The following FBLN2 variants were observed in gnomAD, a reference collection of about 807,000 sequenced individuals.
The protein encoded by FBLN2 is fibulin-2.
Under a neutral mutation model 123.7 loss-of-function variants are expected in FBLN2, and 81 were observed. The ratio of observed to expected loss-of-function variants is 0.65; its 90% CI spans 0.55 to 0.79. FBLN2 has a LOEUF of 0.79. Ranked by LOEUF, FBLN2 falls within the 30% of genes least tolerant of loss-of-function variation. The pLI, the probability that FBLN2 is intolerant of heterozygous loss-of-function variation, is 0.00. For missense variants in FBLN2, 1,603 were observed against 1,681.3 expected (o/e 0.95, Z 0.81); for synonymous variants, 699 against 701.4 (o/e 1.00, Z 0.05).
chr3:13,549,269 A>G, intron 1 of FBLN2, 61 bp downstream of exon 1: 1 of 961,056 alleles, frequency 1.0e-6, no homozygotes, highest in Non-Finnish European at 1.2e-6. Flanking sequence ...CTCGCAGCTC[A>G]GGACTCGGGG....
chr3:13,584,738 C>T (rs764367777), intron 2 of FBLN2, among the ~76,000 whole-genome samples: 12 of 152,120 alleles, frequency 7.9e-5, no homozygotes, highest in South Asian at 4.1e-4. Flanking sequence ...GGAGGATGGC[C>T]GTGCGGGTAT....
chr3:13,609,160 A>G (rs2124880128), intron 3 of FBLN2, among the ~76,000 whole-genome samples: 1 of 152,314 alleles, frequency 6.6e-6, no homozygotes, highest in South Asian at 2.1e-4. Context: ...GCAGGCAGTG[A>G]CCAGGGACCC....
At chr3:13,623,338 TA>T (rs1427954631) in intron 9 of FBLN2, among the ~76,000 whole-genome samples, 3 of 152,084 alleles carry the variant, frequency 2.0e-5, no homozygotes, top group Non-Finnish European at 4.4e-5. Flanking sequence ...TAAAACATAC[TA>T]AAAGGGATCC....
chr3:13,565,071 C>G (rs1388947511), intron 1 of FBLN2, among the ~76,000 whole-genome samples: 6 of 152,184 alleles, frequency 3.9e-5, no homozygotes, highest in Non-Finnish European at 8.8e-5. Context: ...GAGACTCACA[C>G]TGTGTGCTGA....
intron 1 of FBLN2, among the ~76,000 whole-genome samples, chr3:13,553,495 C>T (rs1428812263): frequency 2.0e-5 from 3 of 152,200 alleles, no homozygotes; most frequent in African/African-American, 7.2e-5. Context: ...TACGGGGCAC[C>T]ACTGCACGCC....
At chr3:13,616,969 T>C (rs1239758258) in intron 5 of FBLN2, among the ~76,000 whole-genome samples, 1 of 152,214 alleles carries the variant, frequency 6.6e-6, no homozygotes, top group African/African-American at 2.4e-5. Context: ...ATGATCCTCC[T>C]TGATGTCACT....
intron 2 of FBLN2, among the ~76,000 whole-genome samples, chr3:13,604,758 C>T (rs561992338): frequency 6.6e-6 from 1 of 152,292 alleles, no homozygotes; most frequent in African/African-American, 2.4e-5. Context: ...CTCTCAGTGC[C>T]TCAGAGCAGA....
chr3:13,622,722 G>A (rs1705896276), intron 9 of FBLN2, among the ~76,000 whole-genome samples: 1 of 152,230 alleles, frequency 6.6e-6, no homozygotes, highest in Non-Finnish European at 1.5e-5. Context: ...AGTGCTCTGT[G>A]CGTACATGTC....
chr3:13,590,385 G>A (rs1465183312), intron 2 of FBLN2, among the ~76,000 whole-genome samples: 1 of 151,952 alleles, frequency 6.6e-6, no homozygotes, highest in Non-Finnish European at 1.5e-5. Context: ...GAGTGCAGAG[G>A]TGCCATCTTG....
intron 2 of FBLN2, among the ~76,000 whole-genome samples, chr3:13,600,006 A>C (rs1268341386): frequency 6.6e-6 from 1 of 150,594 alleles, no homozygotes; most frequent in African/African-American, 2.5e-5. Context: ...TCAGGAAGTT[A>C]AAAAACACGA....
intron 4 of FBLN2, among the ~76,000 whole-genome samples, chr3:13,612,814 A>C (rs1259480085): frequency 2.6e-5 from 4 of 152,198 alleles, no homozygotes; most frequent in African/African-American, 7.2e-5. Flanking sequence ...ATTAGTGGGA[A>C]GTGTTCAACA....
At chr3:13,574,583 C>T (rs1383605680) in intron 2 of FBLN2, among the ~76,000 whole-genome samples, 3 of 152,158 alleles carry the variant, frequency 2.0e-5, no homozygotes, top group Admixed American at 6.5e-5. Flanking sequence ...AGACAGGACC[C>T]CCAGCCCAGC....
chr3:13,550,527 G>T (rs1703294405), intron 1 of FBLN2, among the ~76,000 whole-genome samples: 1 of 152,250 alleles, frequency 6.6e-6, no homozygotes, highest in African/African-American at 2.4e-5. Flanking sequence ...CTACCCTGAT[G>T]CCCCTGAGAT....
chr3:13,592,224 C>T (rs1241184463), intron 2 of FBLN2, among the ~76,000 whole-genome samples: 2 of 151,922 alleles, frequency 1.3e-5, no homozygotes, highest in Non-Finnish European at 2.9e-5. Flanking sequence ...CAGGGTTTCA[C>T]CATGTTGGCC....
chr3:13,612,824 A>G (rs1705451202), intron 4 of FBLN2, among the ~76,000 whole-genome samples: 1 of 152,216 alleles, frequency 6.6e-6, no homozygotes, highest in African/African-American at 2.4e-5. Flanking sequence ...AGTGTTCAAC[A>G]CTGAGAGATG....
intron 1 of FBLN2, among the ~76,000 whole-genome samples, chr3:13,555,638 T>C (rs1173939877): frequency 6.6e-6 from 1 of 152,040 alleles, no homozygotes; most frequent in Non-Finnish European, 1.5e-5. Context: ...GTATTTTTAG[T>C]AGAGACGGAG....
chr3:13,632,857 C>T (rs564498490), intron 16 of FBLN2, among the ~76,000 whole-genome samples: 18 of 152,036 alleles, frequency 1.2e-4, no homozygotes, highest in African/African-American at 4.1e-4. Context: ...AAAAAAAAGT[C>T]GGTATGGACT....
At position 13,636,527 on chromosome 3, in the gene FBLN2, G is replaced by C; in HGVS notation, c.3297G>C (p.Leu1099=). 6.2e-7 allele frequency: 1 copy of C among 1,613,732 alleles called. No homozygotes were observed. The highest frequency in any genetic ancestry group is 8.5e-7 in the Non-Finnish European group (1 of 1,179,794). ...CHNIQGSFRC[L]RFECPPNYVQ... ...ACATCCAGGGTAGCTTCCGCTGCCT[G>C]CGCTTCGAGTGTCCTCCCAACTATG... The change falls in exon 17 of 18, where the codon CTG becomes CTC. Residue 1099 remains leucine, a synonymous_variant. Transcript: ENST00000404922.
At chr3:13,551,211 T>C (rs903221326) in intron 1 of FBLN2, among the ~76,000 whole-genome samples, 2 of 152,226 alleles carry the variant, frequency 1.3e-5, no homozygotes, top group African/African-American at 4.8e-5. Context: ...CCTCCATGCA[T>C]GGCTGGGGAA....
Sources: gnomAD v4.1 joint callset for allele counts (sites outside exome capture counted in the v4.1 genomes callset) on GRCh38, gnomAD v4.1.1 for gene constraint, MANE v1.5 for transcripts, NCBI Gene and HGNC (gene_info 2026-07-23, HGNC 2026-07-21) for gene names.